Variants in RXFP2 observed in about 807,000 individuals in gnomAD.
RXFP2 encodes the protein relaxin receptor 2.
In RXFP2, 68 loss-of-function variants were observed where a neutral mutation model predicts 88.6. The observed-to-expected ratio is 0.77, with a 90% CI of 0.63 to 0.94. RXFP2 has a LOEUF of 0.94. RXFP2 is among the 40% of genes least tolerant of loss of function. The pLI, the probability that RXFP2 is intolerant of heterozygous loss-of-function variation, is 0.00. For synonymous variants in RXFP2, 329 were observed against 306.8 expected, an observed-to-expected ratio of 1.07 and a Z score of -0.76; for missense variants, 791 against 893.9, an observed-to-expected ratio of 0.88 and a Z score of 1.47.
chr13:31,774,527 T>C, intron 5 of RXFP2, 93 bp from the exon 6 acceptor site: 2 of 777,354 alleles, frequency 2.6e-6, no homozygotes, highest in Non-Finnish European at 4.7e-6. Flanking sequence ...ATTTCACAAT[T>C]GTCTTCAGGT....
rs1241091990 is a variant in RXFP2 at position 31,765,066 on chromosome 13, T to C, written c.349T>C (p.Cys117Arg). The change falls in exon 4 of 18, where the codon TGC becomes CGC. Residue 117 changes from cysteine (C) to arginine (R), a missense_variant. Cys to Arg is a radical substitution (Grantham distance 180). Coordinates refer to ENST00000298386, the MANE Select transcript of RXFP2 (RefSeq NM_130806.5). ...FLKQYPQCCDCKETELECVNG... is the reference protein window; with the variant it reads ...FLKQYPQCCDRKETELECVNG... ...AAAACAGTATCCACAATGCTGTGACTGCAAAGAAACTGAATTGGAATGTGT... is the reference window on the plus strand; with the variant it reads ...AAAACAGTATCCACAATGCTGTGACCGCAAAGAAACTGAATTGGAATGTGT... The C allele has an allele frequency of 4.3e-6, 7 of 1,610,282 alleles. No individual in the cohort carries two copies. Among genetic ancestry groups the C allele is most frequent in the Admixed American group, 1.7e-5 (1 of 59,998 alleles).
chr13:31,781,805 A>G, intron 10 of RXFP2, 63 bp downstream of exon 10: 1 of 1,342,880 alleles, frequency 7.4e-7, no homozygotes, highest in Non-Finnish European at 1.1e-6. Flanking sequence ...GTTAAAAAGA[A>G]AACATTGACA....
At chr13:31,754,506 G>A (rs1158540042) in intron 1 of RXFP2, among the ~76,000 whole-genome samples, 2 of 152,066 alleles carry the variant, frequency 1.3e-5, no homozygotes, top group Non-Finnish European at 2.9e-5. Flanking sequence ...ACTCCAGCCT[G>A]GGTGACAGGG....
chr13:31,777,821 G>T (rs755338453), intron 8 of RXFP2, among the ~76,000 whole-genome samples: 1 of 152,138 alleles, frequency 6.6e-6, no homozygotes, highest in South Asian at 2.1e-4. Flanking sequence ...TTTAATGGAA[G>T]AAAATGTGCC....
chr13:31,789,261 C>T, intron 14 of RXFP2, 68 bp downstream of exon 14: 1 of 982,662 alleles, frequency 1.0e-6, no homozygotes, highest in Non-Finnish European at 1.6e-6. Flanking sequence ...TGTAAACTGT[C>T]TAATGTATCA....
rs151178877 is a variant in RXFP2 at position 31,750,089 on chromosome 13, C to T, written c.95-8169C>T. ...TTCCATCTCTGGAGCCTCTCATAAA[C>T]GGAGTTAAAAACAAGTGACAAACTG... is the stretch of plus-strand genomic sequence containing the variant. On this transcript the variant is annotated intron_variant, in intron 1 of 17. Coordinates refer to ENST00000298386, the MANE Select transcript of RXFP2 (RefSeq NM_130806.5). Among the ~76,000 whole-genome samples, 33 of 152,222 alleles carry T rather than the reference C, an allele frequency of 2.2e-4. No homozygotes were observed. The East Asian group carries it at 2.3e-3, about 11-fold the overall frequency.
Position 31,792,714 on chromosome 13 carries a change from T to C in RXFP2, c.1412T>C (p.Val471Ala), listed in dbSNP as rs1355404566. 1 of 1,614,224 alleles carries C rather than the reference T, an allele frequency of 6.2e-7. No homozygotes were observed. The highest frequency in any genetic ancestry group is 1.7e-5 in the Admixed American group (1 of 60,020). ...DCLMGVYLFF[V>A]GIFDIKYRGQ... ...CTGATGGGTGTTTACTTGTTCTTTG[T>C]TGGCATTTTCGATATAAAATACCGA... Residue 471 changes from valine (V) to alanine (A), a missense_variant, in exon 16 of 18, where the codon GTT becomes GCT. Transcript: ENST00000298386.
chr13:31,765,432 C>CTTT lies in RXFP2; in HGVS notation c.425+299_425+301dup, dbSNP rs58728346. Among the ~76,000 whole-genome samples, 645 of 149,406 alleles carry CTTT rather than the reference C, an allele frequency of 4.3e-3. 5 individuals carry two copies. Among genetic ancestry groups the CTTT allele is most frequent in the African/African-American group, 0.015 (622 of 40,580 alleles). On this transcript the variant is annotated intron_variant, in intron 4 of 17. Coordinates refer to ENST00000298386, the MANE Select transcript of RXFP2 (RefSeq NM_130806.5). ...TTACTACTGTCCTTGTGTTGAAATG[C>CTTT]TTTTTTTTTTTGTTTTAAAAGGAAG...
At chr13:31,750,375 C>T (rs536817716) in intron 1 of RXFP2, among the ~76,000 whole-genome samples, 2 of 152,236 alleles carry the variant, frequency 1.3e-5, no homozygotes, top group East Asian at 3.9e-4. Flanking sequence ...TAATTTTTAA[C>T]ACTAAAATAC....
chr13:31,739,901 T>C lies in RXFP2; in HGVS notation c.94+195T>C, dbSNP rs534207398. Among the ~76,000 whole-genome samples, 5 of 152,266 alleles carry C rather than the reference T, an allele frequency of 3.3e-5. No homozygotes were observed. In the South Asian group the frequency reaches 1.0e-3, roughly 32 times the overall value. ...TAGTAATTTTTAGATGCAACAAATTTTTCATGGAAACAAGCCTTTGTATGT... is the reference window on the plus strand; with the variant it reads ...TAGTAATTTTTAGATGCAACAAATTCTTCATGGAAACAAGCCTTTGTATGT... On this transcript the variant is annotated intron_variant, in intron 1 of 17. Transcript: ENST00000298386.
intron 17 of RXFP2, among the ~76,000 whole-genome samples, chr13:31,797,731 G>A (rs1373406640): frequency 6.6e-6 from 1 of 152,102 alleles, no homozygotes; most frequent in African/African-American, 2.4e-5. Context: ...TTCCACCCGG[G>A]ACTGTTTTGT....
In RXFP2 at chr13:31,793,493, G is replaced by C. The variant is rs550513279; in HGVS notation, c.1786+405G>C. Among the ~76,000 whole-genome samples the C allele has an allele frequency of 8.2e-4, 123 of 150,508 alleles. 1 individual carries two copies. The highest frequency in any genetic ancestry group is 2.8e-3 in the African/African-American group (116 of 40,860). On this transcript the variant is annotated intron_variant, in intron 16 of 17. Coordinates refer to ENST00000298386, the MANE Select transcript of RXFP2 (RefSeq NM_130806.5). ...AAATAATAATAAAACTCAGGAAACT[G>C]ACAAGTAAGAGATATCTGAATGGAA...
chr13:31,796,111 G>A (rs1285721547), intron 16 of RXFP2, among the ~76,000 whole-genome samples: 3 of 122,838 alleles, frequency 2.4e-5, no homozygotes, highest in South Asian at 2.7e-4. Context: ...GTGCAGTGGC[G>A]CAATCTCGGC....
chr13:31,749,142 G>A (rs56382042), intron 1 of RXFP2, among the ~76,000 whole-genome samples: 31,904 of 151,984 alleles, frequency 0.21, 3,532 homozygotes, highest in South Asian at 0.4. Context: ...TTTTTCTTAT[G>A]TTATCTTCTA....
At chr13:31,790,569 C>A (rs1030793397) in intron 14 of RXFP2, among the ~76,000 whole-genome samples, 1 of 152,194 alleles carries the variant, frequency 6.6e-6, no homozygotes, top group Non-Finnish European at 1.5e-5. Context: ...ACGTGCCAGG[C>A]ACTGCGTTAG....
rs1873847889 is a variant in RXFP2, at chr13:31,792,620, A to G, written c.1376-58A>G. Reference sequence around the variant, plus strand: ...AAATGCTGGAAATAGACTTAATCAGAAAACTAAAACAGGGACATTGGAAAC... The same window carrying G: ...AAATGCTGGAAATAGACTTAATCAGGAAACTAAAACAGGGACATTGGAAAC... On this transcript the variant is annotated intron_variant, in intron 15 of 17. Coordinates refer to ENST00000298386, the MANE Select transcript of RXFP2 (RefSeq NM_130806.5). 11 of 1,540,056 alleles carry G rather than the reference A, an allele frequency of 7.1e-6. No individual in the cohort carries two copies. The South Asian group carries it at 1.1e-4, about 16-fold the overall frequency.
chr13:31,762,724 A>T (rs1461712958), intron 3 of RXFP2, among the ~76,000 whole-genome samples: 3 of 152,166 alleles, frequency 2.0e-5, no homozygotes, highest in Non-Finnish European at 4.4e-5. Flanking sequence ...ATTACCACTT[A>T]TATATTTTAT....
intron 5 of RXFP2, among the ~76,000 whole-genome samples, chr13:31,767,707 G>C (rs1257520228): frequency 6.6e-6 from 1 of 152,180 alleles, no homozygotes; most frequent in Non-Finnish European, 1.5e-5. Flanking sequence ...CAACTAGTAA[G>C]TGGAAGACCC....
chr13:31,768,451 G>A (rs1872628585), intron 5 of RXFP2, among the ~76,000 whole-genome samples: 1 of 152,140 alleles, frequency 6.6e-6, no homozygotes, highest in South Asian at 2.1e-4. Context: ...GATCTCCAAA[G>A]TCTGTGAGGT....
Sources: allele counts gnomAD v4.1 joint callset (sites outside exome capture counted in the v4.1 genomes callset), GRCh38; gene constraint gnomAD v4.1.1; transcripts MANE v1.5; gene names NCBI Gene and HGNC (gene_info 2026-07-23, HGNC 2026-07-21).